The following ARID3A variants were observed in gnomAD, a reference collection of about 807,000 sequenced individuals.
The protein encoded by ARID3A is AT-rich interaction domain 3A, also known as AT-rich interactive domain-containing protein 3A.
In ARID3A, 11 loss-of-function variants were observed where a neutral mutation model predicts 52.7. The observed-to-expected ratio is 0.21, with a 90% CI of 0.13 to 0.35. The LOEUF (loss-of-function observed/expected upper bound fraction) is 0.35. Ranked by LOEUF, ARID3A falls within the 10% of genes least tolerant of loss-of-function variation. The pLI, the probability that ARID3A is intolerant of heterozygous loss-of-function variation, is 1.00. For missense variants in ARID3A, 721 were observed against 838.5 expected (o/e 0.86, Z 1.73); for synonymous variants, 404 against 359.4 (o/e 1.12, Z -1.40).
chr19:939,364 G>A (rs943773544), intron 3 of ARID3A, among the ~76,000 whole-genome samples: 4 of 152,086 alleles, frequency 2.6e-5, no homozygotes, highest in African/African-American at 4.8e-5. Flanking sequence ...TGATCTGCCC[G>A]CCTCGGCCTC....
In ARID3A at chr19:932,663, C is replaced by A. The variant is rs2145356478; in HGVS notation, c.614C>A (p.Pro205His). 1.2e-5 allele frequency: 18 copies of A among 1,545,106 alleles called. No individual in the cohort carries two copies. Among genetic ancestry groups the A allele is most frequent in the Non-Finnish European group, 1.5e-5 (17 of 1,145,850 alleles). Residue 205 changes from proline (P) to histidine (H), a missense_variant, in exon 3 of 9, where the codon CCC becomes CAC. This residue lies in a region of ARID3A where 349 missense variants were observed against 297.3 expected (regional missense o/e 1.17). Transcript: ENST00000263620. ...QERPGPGPAHPGGAAHVAPQL... is the reference protein window; with the variant it reads ...QERPGPGPAHHGGAAHVAPQL... Reference sequence around the variant, plus strand: ...CGGCCGGGGCCTGGCCCTGCCCACCCCGGAGGGGCCGCCCACGTAGCCCCG... The same window carrying A: ...CGGCCGGGGCCTGGCCCTGCCCACCACGGAGGGGCCGCCCACGTAGCCCCG...
intron 8 of ARID3A, among the ~76,000 whole-genome samples, chr19:971,047 G>A (rs1274959861): frequency 5.9e-5 from 9 of 152,212 alleles, no homozygotes; most frequent in African/African-American, 9.7e-5. Context: ...CCACATCAAC[G>A]AACCATGGGC....
intron 3 of ARID3A, among the ~76,000 whole-genome samples, chr19:940,568 TGAG>T (rs1026676534): frequency 6.6e-6 from 1 of 151,942 alleles, no homozygotes; most frequent in African/African-American, 2.4e-5. Context: ...TTCTGGGGCC[TGAG>T]AAGAAGGAGA....
chr19:946,047 A>T (rs1338245067), intron 3 of ARID3A, among the ~76,000 whole-genome samples: 2 of 152,056 alleles, frequency 1.3e-5, no homozygotes, highest in Admixed American at 1.3e-4. Context: ...CAGCAGGGAA[A>T]AATGAGGCTC....
In ARID3A at chr19:975,594, G is replaced by GA. The variant is rs557979220; in HGVS notation, c.*3542dup. On this transcript the variant is annotated 3_prime_UTR_variant, in exon 9 of 9. Coordinates refer to ENST00000263620, the MANE Select transcript of ARID3A (RefSeq NM_005224.3). ...ACGCCTGAAACTCAGGTAATAGGAG[G>GA]AAAAAAAAAAAAACTTAAAAAAATT... 0.064 allele frequency: 10,073 copies of GA among 156,792 alleles called. 69 individuals carry two copies. The highest frequency in any genetic ancestry group is 0.17 in the East Asian group (1,321 of 7,810). The allele number at this position is 156,792 out of a possible 1,614,324, so 9.7% of individuals were successfully genotyped here. A position where few individuals can be genotyped will look rare whatever the true frequency, so the allele number is the denominator to read the frequency against.
At chr19:932,873 G>A in intron 3 of ARID3A, 131 bp downstream of exon 3, 1 of 1,477,260 alleles carries the variant, frequency 6.8e-7, no homozygotes, top group Non-Finnish European at 8.9e-7. Flanking sequence ...TCCTGCGGTA[G>A]CTGTGCTTCC....
At chr19:958,873 C>CAG (rs1189231241) in intron 3 of ARID3A, among the ~76,000 whole-genome samples, 1 of 151,634 alleles carries the variant, frequency 6.6e-6, no homozygotes, top group Admixed American at 6.6e-5. Context: ...AGCCTGGGGA[C>CAG]AGCGAGACTC....
intron 4 of ARID3A, among the ~76,000 whole-genome samples, chr19:962,971 C>T (rs1194433500): frequency 2.0e-5 from 3 of 152,184 alleles, no homozygotes; most frequent in African/African-American, 4.8e-5. Context: ...CAGGTGGGAT[C>T]GGGTCTGAGG....
chr19:932,792 G>C (rs957612580), intron 3 of ARID3A, 50 bp downstream of exon 3: 4 of 1,543,672 alleles, frequency 2.6e-6, no homozygotes, highest in African/African-American at 2.8e-5. Context: ...TCCTGGGCCA[G>C]TGGGGCCCTT....
chr19:952,186 C>T (rs1423091091), intron 3 of ARID3A, among the ~76,000 whole-genome samples: 4 of 151,734 alleles, frequency 2.6e-5, no homozygotes, highest in African/African-American at 9.7e-5. Context: ...GGTTCATGCC[C>T]AGAATCCCAG....
chr19:943,424 C>T (rs1049992647), intron 3 of ARID3A, among the ~76,000 whole-genome samples: 11 of 151,584 alleles, frequency 7.3e-5, no homozygotes, highest in Admixed American at 2.0e-4. Flanking sequence ...CAAAATTAGC[C>T]GGGCGTGGTG....
At position 944,718 on chromosome 19, in the gene ARID3A, C is replaced by T. The variant is rs750842756; in HGVS notation, c.693+11976C>T. ...ATAGCTCACTGCAGCCTCGACCTCC[C>T]GGGCTCCGGTGATCTTCCCGTGTCA... On this transcript the variant is annotated intron_variant, in intron 3 of 8. Transcript: ENST00000263620. This position sits in a 1 kb window ranked among gnomAD's most constrained non-coding sequence, Gnocchi z 5.9. 4.7e-4 allele frequency among the ~76,000 whole-genome samples: 72 copies of T among 152,262 alleles called. No individual in the cohort carries two copies. Among genetic ancestry groups the T allele is most frequent in the Non-Finnish European group, 8.2e-4 (56 of 68,010 alleles).
Position 959,236 on chromosome 19 carries a change from G to A in ARID3A, c.694-856G>A, listed in dbSNP as rs976198523. Among the ~76,000 whole-genome samples the A allele has an allele frequency of 1.3e-5, 2 of 152,124 alleles. No individual in the cohort carries two copies. Among genetic ancestry groups the A allele is most frequent in the African/African-American group, 4.8e-5 (2 of 41,426 alleles). ...TGAGAGGCAGGAAGGTTCCTCCCTT[G>A]GAGACTTCGGAGGGAACGCAACCCT... On this transcript the variant is annotated intron_variant, in intron 3 of 8. Transcript: ENST00000263620. The surrounding 1 kb of genome is among the most constrained non-coding windows in gnomAD (Gnocchi z 5.0).
In ARID3A at chr19:972,353, G is replaced by T. The variant is rs2038297395; in HGVS notation, c.*288G>T. On this transcript the variant is annotated 3_prime_UTR_variant, in exon 9 of 9. Transcript: ENST00000263620. ...AGAGATGAATTGTGAGAACAGCAAAGAAATCCATCAGAAAAACAGAAAGAG... is the reference window on the plus strand; with the variant it reads ...AGAGATGAATTGTGAGAACAGCAAATAAATCCATCAGAAAAACAGAAAGAG... The T allele has an allele frequency of 4.6e-6, 1 of 215,422 alleles. No homozygotes were observed. The highest frequency in any genetic ancestry group is 9.3e-6 in the Non-Finnish European group (1 of 107,024). 13.3% of individuals were successfully genotyped at this position (215,422 alleles called of 1,614,324 possible).
At chr19:949,009 G>T (rs538863134) in intron 3 of ARID3A, among the ~76,000 whole-genome samples, 2 of 152,096 alleles carry the variant, frequency 1.3e-5, no homozygotes, top group Non-Finnish European at 2.9e-5. Context: ...GAGCCACCGC[G>T]CGTGGCCATC....
In ARID3A at chr19:960,615, AATG is replaced by A. The variant is rs1223736586; in HGVS notation, c.766+454_766+456del. Reference sequence around the variant, plus strand: ...CCGGCCGCGAGATGGCTTAGAGTCTAATGATCTCATGGCGGCCAATGCGACATT... The same window carrying A: ...CCGGCCGCGAGATGGCTTAGAGTCTAATCTCATGGCGGCCAATGCGACATT... On this transcript the variant is annotated intron_variant, in intron 4 of 8. Transcript: ENST00000263620. The surrounding 1 kb of genome is among the most constrained non-coding windows in gnomAD (Gnocchi z 4.3). Among the ~76,000 whole-genome samples, 1 of 151,950 alleles carries A rather than the reference AATG, an allele frequency of 6.6e-6. No homozygotes were observed. Among genetic ancestry groups the A allele is most frequent in the East Asian group, 1.9e-4 (1 of 5,164 alleles).
rs949353235 is a variant in ARID3A, at chr19:944,865, G to A, written c.693+12123G>A. Among the ~76,000 whole-genome samples, 1 of 152,168 alleles carries A rather than the reference G, an allele frequency of 6.6e-6. No individual in the cohort carries two copies. Among genetic ancestry groups the A allele is most frequent in the Non-Finnish European group, 1.5e-5 (1 of 68,030 alleles). On this transcript the variant is annotated intron_variant, in intron 3 of 8. Coordinates refer to ENST00000263620, the MANE Select transcript of ARID3A (RefSeq NM_005224.3). The surrounding 1 kb of genome is among the most constrained non-coding windows in gnomAD (Gnocchi z 5.9). ...GAACTCCTGAGCTCTTAGGGGAGCC[G>A]GGATGTCCCTGGGTCCTGCGGTCGC...
rs1433945807 is a variant in ARID3A, at chr19:947,053, C to T, written c.694-13039C>T. ...CGAGCAGTCTGCCCACCTCGGCCTC[C>T]CACAGTGCTGGGATCAAAGGTGGGA... is the stretch of plus-strand genomic sequence containing the variant. On this transcript the variant is annotated intron_variant, in intron 3 of 8. Coordinates refer to ENST00000263620, the MANE Select transcript of ARID3A (RefSeq NM_005224.3). The surrounding 1 kb of genome is among the most constrained non-coding windows in gnomAD (Gnocchi z 6.3). 6.6e-6 allele frequency among the ~76,000 whole-genome samples: 1 copy of T among 152,034 alleles called. No individual in the cohort carries two copies. The highest frequency in any genetic ancestry group is 2.4e-5 in the African/African-American group (1 of 41,370).
chr19:968,434 A>C lies in ARID3A; in HGVS notation c.1525A>C (p.Asn509His), dbSNP rs1183562614. The C allele has an allele frequency of 6.2e-7, 1 of 1,614,078 alleles. No individual in the cohort carries two copies. The highest frequency in any genetic ancestry group is 1.1e-5 in the South Asian group (1 of 91,080). ...CGAAAGCCGCCAGGACTCTGCTGTGAACCTGACGGGCACCAACGGCAGCAA... is the reference window on the plus strand; with the variant it reads ...CGAAAGCCGCCAGGACTCTGCTGTGCACCTGACGGGCACCAACGGCAGCAA... ...ASESRQDSAVNLTGTNGSNSI... is the reference protein window; with the variant it reads ...ASESRQDSAVHLTGTNGSNSI... Residue 509 changes from asparagine to histidine, a missense_variant, in exon 8 of 9, where the codon AAC (asparagine) becomes CAC (histidine). Around this residue, in one of 5 missense-constraint regions of ARID3A, gnomAD observed 297 missense variants for 343.2 expected, o/e 0.87. Coordinates refer to ENST00000263620, the MANE Select transcript of ARID3A (RefSeq NM_005224.3).
Sources: allele counts gnomAD v4.1 joint callset (sites outside exome capture counted in the v4.1 genomes callset), GRCh38; gene constraint gnomAD v4.1.1; regional missense constraint gnomAD v4.1.1; non-coding constraint Gnocchi (gnomAD v3.1); transcripts MANE v1.5; gene names NCBI Gene and HGNC (gene_info 2026-07-23, HGNC 2026-07-21).